The following ARAP1 variants were observed in gnomAD, a reference collection of about 807,000 sequenced individuals.
The protein encoded by ARAP1 is arf-GAP with Rho-GAP domain, ANK repeat and PH domain-containing protein 1.
A neutral mutation model predicts 172.2 loss-of-function variants in ARAP1; 76 were observed. That is an observed-to-expected ratio of 0.44 (90% CI 0.37 to 0.53). The LOEUF (loss-of-function observed/expected upper bound fraction) is 0.53, where lower values mean the gene tolerates loss of function less well. Among genes scored for constraint, ARAP1 ranks in the 20% least tolerant of loss-of-function variants. The pLI is 0.00. For synonymous variants in ARAP1, 804 were observed against 803.3 expected (o/e 1.00, Z -0.01); for missense variants, 1,686 against 1,977.5 (o/e 0.85, Z 2.80).
At chr11:72,696,744 A>G in intron 22 of ARAP1, 90 bp from the exon 23 acceptor site, 1 of 1,133,912 alleles carries the variant, frequency 8.8e-7, no homozygotes, top group Non-Finnish European at 1.2e-6. Context: ...ATGGTGGGTG[A>G]CAGCAGTCCC....
intron 31 of ARAP1, 126 bp downstream of exon 31, chr11:72,688,329 G>T: frequency 1.3e-6 from 1 of 782,218 alleles, no homozygotes. Context: ...TGCTGGTCTG[G>T]AGACCACACC....
At chr11:72,687,533 C>T in intron 32 of ARAP1, 31 bp from the exon 33 acceptor site, 2 of 1,614,078 alleles carry the variant, frequency 1.2e-6, no homozygotes, top group Non-Finnish European at 1.7e-6. Context: ...CCACATGATG[C>T]CAAAGGCCTG....
In ARAP1 at chr11:72,726,646, G is replaced by A. The variant is rs1174953935; in HGVS notation, c.483C>T (p.Arg161=). 6.5e-7 allele frequency: 1 copy of A among 1,528,982 alleles called. No individual in the cohort carries two copies. The highest frequency in any genetic ancestry group is 2.4e-5 in the East Asian group (1 of 42,086). 94.7% of individuals were successfully genotyped at this position (1,528,982 alleles called of 1,614,324 possible). The change falls in exon 3 of 35, where the codon CGC becomes CGT. Residue 161 remains arginine (R), a synonymous_variant. Transcript: ENST00000393609. This position sits in a 1 kb window ranked among gnomAD's most constrained non-coding sequence, Gnocchi z 6.5. ...AELSVPPVPP[R]TGPPRLLVSL... Reference sequence around the variant, plus strand: ...TCACCAGCAGGCGGGGGGGTCCGGTGCGGGGCGGCACGGGTGGAACGCTCA... The same window carrying A: ...TCACCAGCAGGCGGGGGGGTCCGGTACGGGGCGGCACGGGTGGAACGCTCA...
rs1266394456 is a variant in ARAP1 at position 72,726,641 on chromosome 11, C to A, written c.488G>T (p.Gly163Val). 6.6e-7 allele frequency: 1 copy of A among 1,522,020 alleles called. No individual in the cohort carries two copies. Among genetic ancestry groups the A allele is most frequent in the Admixed American group, 1.9e-5 (1 of 51,426 alleles). The allele number at this position is 1,522,020 out of a possible 1,614,324, so 94.3% of individuals were successfully genotyped here. ...LSVPPVPPRTGPPRLLVSLPT... is the reference protein window; with the variant it reads ...LSVPPVPPRTVPPRLLVSLPT... Reference sequence around the variant, plus strand: ...TCACCTCACCAGCAGGCGGGGGGGTCCGGTGCGGGGCGGCACGGGTGGAAC... The same window carrying A: ...TCACCTCACCAGCAGGCGGGGGGGTACGGTGCGGGGCGGCACGGGTGGAAC... The change falls in exon 3 of 35, where the codon GGA becomes GTA. Residue 163 changes from glycine to valine, a missense_variant. Gly to Val is a moderately radical substitution (Grantham distance 109). This residue lies in a region of ARAP1 where 155 missense variants were observed against 129.2 expected (regional missense o/e 1.20). Transcript: ENST00000393609. The surrounding 1 kb of genome is among the most constrained non-coding windows in gnomAD (Gnocchi z 6.5).
intron 32 of ARAP1, 70 bp from the exon 33 acceptor site, chr11:72,687,572 C>G: frequency 4.3e-6 from 7 of 1,613,084 alleles, no homozygotes; most frequent in Non-Finnish European, 5.9e-6. Flanking sequence ...TGTCTGCCTT[C>G]CCAGCCCAGG....
chr11:72,738,642 C>A (rs1309696844), intron 1 of ARAP1, among the ~76,000 whole-genome samples: 2 of 152,076 alleles, frequency 1.3e-5, no homozygotes, highest in Non-Finnish European at 2.9e-5. Context: ...GGGCAGCGAC[C>A]CCAGCATCCA....
chr11:72,735,852 T>C (rs930499859), intron 1 of ARAP1, among the ~76,000 whole-genome samples: 1 of 152,154 alleles, frequency 6.6e-6, no homozygotes, highest in Non-Finnish European at 1.5e-5. Context: ...GGAACAGCCA[T>C]GTTCAAGGCA....
rs571313122 is a variant in ARAP1, at chr11:72,692,975, CAT to C, written c.3955-192_3955-191del. 29 of 721,058 alleles carry C rather than the reference CAT, an allele frequency of 4.0e-5. No homozygotes were observed. The African/African-American group carries it at 4.7e-4, about 12-fold the overall frequency. The allele number at this position is 721,058 out of a possible 1,614,324, so 44.7% of individuals were successfully genotyped here. A position where few individuals can be genotyped will look rare whatever the true frequency, so the allele number is the denominator to read the frequency against. ...TGAGGGAGAAGGGTGGCCCGGGAGGCATATGACATACGATATGACAAGGCATG... is the reference window on the plus strand; with the variant it reads ...TGAGGGAGAAGGGTGGCCCGGGAGGCATGACATACGATATGACAAGGCATG... On this transcript the variant is annotated intron_variant, in intron 29 of 34. Coordinates refer to ENST00000393609, the MANE Select transcript of ARAP1 (RefSeq NM_001040118.3).
chr11:72,712,391 C>G, intron 6 of ARAP1, 47 bp downstream of exon 6: 4 of 1,524,794 alleles, frequency 2.6e-6, no homozygotes, highest in Non-Finnish European at 1.8e-6. Context: ...AAGGAGGGGG[C>G]GGGCTGAGGT....
chr11:72,714,162 G>A lies in ARAP1; in HGVS notation c.669C>T (p.Phe223=), dbSNP rs554903239. 1 of 1,489,878 alleles carries A rather than the reference G, an allele frequency of 6.7e-7. No individual in the cohort carries two copies. Among genetic ancestry groups the A allele is most frequent in the South Asian group, 1.4e-5 (1 of 73,436 alleles). The allele number at this position is 1,489,878 out of a possible 1,614,324, so 92.3% of individuals were successfully genotyped here. A position where few individuals can be genotyped will look rare whatever the true frequency, so the allele number is the denominator to read the frequency against. Residue 223 remains phenylalanine, a synonymous_variant, in exon 4 of 35, where the codon TTC becomes TTT. Transcript: ENST00000393609. ...GGCTGCAGCACTCACCGAACTCTGG[G>A]AACAGGCGTACCGGCTTTGGAGGTA... ...PEIPPKPVRL[F]PEFDDSDYDE...
chr11:72,733,299 G>A (rs1287145256), intron 1 of ARAP1, among the ~76,000 whole-genome samples: 2 of 152,178 alleles, frequency 1.3e-5, no homozygotes, highest in East Asian at 3.9e-4. Context: ...GCAGCCCTGC[G>A]ACTAAAGAGG....
intron 1 of ARAP1, among the ~76,000 whole-genome samples, chr11:72,743,846 C>A (rs1180720559): frequency 6.6e-6 from 1 of 151,966 alleles, no homozygotes; most frequent in Non-Finnish European, 1.5e-5. Flanking sequence ...CTGAGACCAA[C>A]CCCCAGCCCT....
Position 72,710,021 on chromosome 11 carries a change from GGGCGTGA to G in ARAP1, c.1417-52_1417-46del. 1 of 1,548,048 alleles carries G rather than the reference GGGCGTGA, an allele frequency of 6.5e-7. No homozygotes were observed. Among genetic ancestry groups the G allele is most frequent in the Non-Finnish European group, 8.9e-7 (1 of 1,120,242 alleles). ...GGATGAGGGCAAGGCTTTGGGGGCA[GGGCGTGA>G]GGCTTGGGACAGGGAGAGGAAGGGA... On this transcript the variant is annotated intron_variant, in intron 10 of 34. Coordinates refer to ENST00000393609, the MANE Select transcript of ARAP1 (RefSeq NM_001040118.3). The surrounding 1 kb of genome is among the most constrained non-coding windows in gnomAD (Gnocchi z 4.3).
Position 72,710,419 on chromosome 11 carries a change from A to ACCACGG in ARAP1, c.1376_1381dup (p.Ala459_Val460dup). 6.2e-7 allele frequency: 1 copy of ACCACGG among 1,614,002 alleles called. No individual in the cohort carries two copies. The highest frequency in any genetic ancestry group is 8.5e-7 in the Non-Finnish European group (1 of 1,179,956). ...CTTGTAGAGCTGCACTTTGTCCCCG[A>ACCACGG]CCACGGCCACGTACAGCTTATTCTT... On this transcript the variant is annotated inframe_insertion, in exon 10 of 35. Coordinates refer to ENST00000393609, the MANE Select transcript of ARAP1 (RefSeq NM_001040118.3). This position sits in a 1 kb window ranked among gnomAD's most constrained non-coding sequence, Gnocchi z 4.3.
At position 72,695,121 on chromosome 11, in the gene ARAP1, A is replaced by C; in HGVS notation, c.3577-24T>G. 1 of 1,609,914 alleles carries C rather than the reference A, an allele frequency of 6.2e-7. No individual in the cohort carries two copies. The highest frequency in any genetic ancestry group is 8.5e-7 in the Non-Finnish European group (1 of 1,177,048). On this transcript the variant is annotated intron_variant, in intron 26 of 34. Coordinates refer to ENST00000393609, the MANE Select transcript of ARAP1 (RefSeq NM_001040118.3). This position sits in a 1 kb window ranked among gnomAD's most constrained non-coding sequence, Gnocchi z 4.4. ...ACCTGCAAGGACCAAGGAGGAGATTAGCCTGCCTGTGCCTAGCCCCTGCTC... is the reference window on the plus strand; with the variant it reads ...ACCTGCAAGGACCAAGGAGGAGATTCGCCTGCCTGTGCCTAGCCCCTGCTC...
chr11:72,697,243 TG>T, intron 21 of ARAP1, 48 bp from the exon 22 acceptor site: 1 of 1,339,216 alleles, frequency 7.5e-7, no homozygotes, highest in South Asian at 1.2e-5. Flanking sequence ...CATAGAGTCA[TG>T]GGGCGGGGCC....
intron 1 of ARAP1, among the ~76,000 whole-genome samples, chr11:72,745,355 A>ATTTTTTTTTT (rs35656290): frequency 2.8e-3 from 313 of 110,574 alleles, no homozygotes; most frequent in African/African-American, 3.5e-3. Context: ...CGTCCGGCTA[A>ATTTTTTTTTT]TTTTTTTTTT....
intron 14 of ARAP1, chr11:72,703,379 C>T (rs540489705): frequency 4.3e-6 from 1 of 234,670 alleles, no homozygotes; most frequent in East Asian, 6.9e-5. Context: ...TCCAGAGGAT[C>T]TCAAGCTCCT....
At position 72,722,138 on chromosome 11, in the gene ARAP1, C is replaced by T. The variant is rs138444862; in HGVS notation, c.509+4482G>A. The stretch of plus-strand genomic sequence containing the variant: ...TTCTGTGTATAACTGTGGATCTGTC[C>T]AGGAGGAAAGGACAGAGAGAGAGAG... On this transcript the variant is annotated intron_variant, in intron 3 of 34. Transcript: ENST00000393609. 975 of 984,790 alleles carry T rather than the reference C, an allele frequency of 9.9e-4. 7 individuals are homozygous for T. The African/African-American group carries it at 0.016, about 16-fold the overall frequency. 61.0% of individuals were successfully genotyped at this position (984,790 alleles called of 1,614,324 possible).
Sources: allele counts gnomAD v4.1 joint callset (sites outside exome capture counted in the v4.1 genomes callset), GRCh38; gene constraint gnomAD v4.1.1; regional missense constraint gnomAD v4.1.1; non-coding constraint Gnocchi (gnomAD v3.1); transcripts MANE v1.5; gene names NCBI Gene and HGNC (gene_info 2026-07-23, HGNC 2026-07-21).